The following GPC5 variants were observed in gnomAD, a reference collection of about 807,000 sequenced individuals.
GPC5 encodes glypican 5.
In GPC5, 47 loss-of-function variants were observed where a neutral mutation model predicts 53.9. The observed-to-expected ratio is 0.87, with a 90% CI of 0.69 to 1.11. The LOEUF (loss-of-function observed/expected upper bound fraction) is 1.11. Ranked by LOEUF, GPC5 falls within the 50% of genes most tolerant of loss-of-function variation. GPC5 has a pLI of 0.00. For missense variants in GPC5, 748 were observed against 713.1 expected, an observed-to-expected ratio of 1.05 and a Z score of -0.56; for synonymous variants, 286 against 263.3, an observed-to-expected ratio of 1.09 and a Z score of -0.84.
At chr13:91,671,780 C>CAAAAAAAAAAAAAAAAAAAAAAAAAAAAA (rs55758033) in intron 2 of GPC5, among the ~76,000 whole-genome samples, 3 of 33,124 alleles carry the variant, frequency 9.1e-5, no homozygotes, top group African/African-American at 9.6e-5. Context: ...CAATCTGAAG[C>CAAAAAAAAAAAAAAAAAAAAAAAAAAAAA]AAAAAAAAAA....
intron 7 of GPC5, among the ~76,000 whole-genome samples, chr13:92,257,326 C>G (rs533557054): frequency 6.6e-6 from 1 of 151,876 alleles, no homozygotes; most frequent in East Asian, 1.9e-4. Context: ...AGCTGTTTTG[C>G]TGTTTAATGA....
intron 7 of GPC5, among the ~76,000 whole-genome samples, chr13:92,272,458 A>G (rs748115224): frequency 3.3e-5 from 5 of 152,196 alleles, no homozygotes; most frequent in Non-Finnish European, 7.3e-5. Context: ...TTTCTATTTG[A>G]AAGACAATAG....
Position 91,619,434 on chromosome 13 carries a change from G to A in GPC5, c.326-73753G>A, listed in dbSNP as rs115176406. Among the ~76,000 whole-genome samples the A allele has an allele frequency of 2.4e-3, 369 of 152,132 alleles. 2 individuals carry two copies. Among genetic ancestry groups the A allele is most frequent in the African/African-American group, 8.4e-3 (350 of 41,508 alleles). ...ATTTCGGCTGCTAAAATTAGAGTAC[G>A]CTGTATTCAACTCTATGCACATTAT... On this transcript the variant is annotated intron_variant, in intron 2 of 7. Coordinates refer to ENST00000377067, the MANE Select transcript of GPC5 (RefSeq NM_004466.6).
intron 3 of GPC5, among the ~76,000 whole-genome samples, chr13:91,716,590 TTC>T (rs892056983): frequency 6.6e-6 from 1 of 152,254 alleles, no homozygotes; most frequent in African/African-American, 2.4e-5. Context: ...GGTTATCTTT[TTC>T]TTAGTTTTTC....
chr13:92,065,068 A>G (rs2138858009), intron 6 of GPC5, among the ~76,000 whole-genome samples: 1 of 152,334 alleles, frequency 6.6e-6, no homozygotes, highest in African/African-American at 2.4e-5. Flanking sequence ...CAGTGTTCTT[A>G]AAAATCAAGA....
chr13:91,937,000 CCACA>C (rs1277514944), intron 6 of GPC5, among the ~76,000 whole-genome samples: 3 of 151,996 alleles, frequency 2.0e-5, no homozygotes, highest in Non-Finnish European at 4.4e-5. Flanking sequence ...GAGAGCTGCA[CCACA>C]CAGTCTTCCA....
chr13:92,527,469 G>C (rs1482754000), intron 7 of GPC5, among the ~76,000 whole-genome samples: 1 of 152,040 alleles, frequency 6.6e-6, no homozygotes, highest in East Asian at 1.9e-4. Context: ...AGTAAAATAG[G>C]GGGTAAGGTG....
chr13:92,741,345 A>G (rs1187196575), intron 7 of GPC5, among the ~76,000 whole-genome samples: 1 of 151,912 alleles, frequency 6.6e-6, no homozygotes, highest in Non-Finnish European at 1.5e-5. Context: ...TAATGTATTC[A>G]GGCAGACCCT....
At chr13:91,776,441 A>G (rs529925204) in intron 5 of GPC5, among the ~76,000 whole-genome samples, 2 of 152,328 alleles carry the variant, frequency 1.3e-5, no homozygotes, top group Admixed American at 6.5e-5. Context: ...TAATTAGAGT[A>G]GAGAACATTA....
At chr13:92,095,397 G>C (rs572788612) in intron 6 of GPC5, among the ~76,000 whole-genome samples, 1 of 151,966 alleles carries the variant, frequency 6.6e-6, no homozygotes, top group African/African-American at 2.4e-5. Flanking sequence ...ATCCAGGCTG[G>C]AGTGTAGTGG....
chr13:92,399,618 A>G (rs1323305814), intron 7 of GPC5, among the ~76,000 whole-genome samples: 2 of 152,178 alleles, frequency 1.3e-5, no homozygotes, highest in Non-Finnish European at 2.9e-5. Context: ...ATTGGATTCC[A>G]GGCAAAAGGA....
chr13:92,622,152 T>C (rs769373404), intron 7 of GPC5, among the ~76,000 whole-genome samples: 9 of 152,170 alleles, frequency 5.9e-5, no homozygotes, highest in Non-Finnish European at 8.8e-5. Flanking sequence ...GAAGAAAGTA[T>C]GGAGGAAATA....
intron 7 of GPC5, among the ~76,000 whole-genome samples, chr13:92,502,437 AT>A (rs1234948403): frequency 6.6e-5 from 10 of 152,006 alleles, no homozygotes; most frequent in Admixed American, 3.3e-4. Flanking sequence ...GTCAGAATGG[AT>A]TAAAAAAAAC....
intron 3 of GPC5, among the ~76,000 whole-genome samples, chr13:91,703,460 A>G (rs540291785): frequency 1.3e-5 from 2 of 152,204 alleles, no homozygotes; most frequent in East Asian, 3.9e-4. Flanking sequence ...TCATTCTGTT[A>G]AAGTGGTATA....
chr13:91,825,985 G>A (rs2038570253), intron 5 of GPC5, among the ~76,000 whole-genome samples: 1 of 152,036 alleles, frequency 6.6e-6, no homozygotes, highest in Admixed American at 6.6e-5. Context: ...AAGTCTAGCT[G>A]CTGTCCACCA....
At chr13:91,455,318 C>G (rs1881463991) in intron 2 of GPC5, among the ~76,000 whole-genome samples, 1 of 151,986 alleles carries the variant, frequency 6.6e-6, no homozygotes, top group East Asian at 1.9e-4. Flanking sequence ...GAAACTCACT[C>G]TAGTGGTTTG....
intron 5 of GPC5, among the ~76,000 whole-genome samples, chr13:91,877,812 A>G (rs1249216350): frequency 6.6e-6 from 1 of 152,146 alleles, no homozygotes; most frequent in African/African-American, 2.4e-5. Flanking sequence ...CTGTGTCCCT[A>G]CCCAAATCTC....
intron 7 of GPC5, among the ~76,000 whole-genome samples, chr13:92,831,118 G>C (rs1347856034): frequency 6.6e-6 from 1 of 152,074 alleles, no homozygotes; most frequent in Non-Finnish European, 1.5e-5. Context: ...ACTCGGAAAT[G>C]ATCCCAGTGA....
At chr13:91,504,866 A>G (rs1884857783) in intron 2 of GPC5, among the ~76,000 whole-genome samples, 1 of 152,096 alleles carries the variant, frequency 6.6e-6, no homozygotes, top group Non-Finnish European at 1.5e-5. Context: ...AAGTAGGAGG[A>G]TCGCTTGAGG....
Sources: allele counts gnomAD v4.1 joint callset (sites outside exome capture counted in the v4.1 genomes callset), GRCh38; gene constraint gnomAD v4.1.1; transcripts MANE v1.5; gene names NCBI Gene and HGNC (gene_info 2026-07-23, HGNC 2026-07-21).